Variants in PSEN1 observed in about 807,000 individuals in gnomAD.
PSEN1 encodes presenilin-1.
Under a neutral mutation model 53.5 loss-of-function variants are expected in PSEN1, and 15 were observed. That is an observed-to-expected ratio of 0.28 (90% CI 0.19 to 0.43). PSEN1 has a LOEUF of 0.43. PSEN1 is among the 20% of genes least tolerant of loss of function. PSEN1 has a pLI of 1.00. For missense variants in PSEN1, 387 were observed against 571.2 expected (o/e 0.68, Z 3.29); for synonymous variants, 208 against 209.8 (o/e 0.99, Z 0.08).
Position 73,220,789 on chromosome 14 carries a change from G to C in PSEN1, c.*1500G>C, listed in dbSNP as rs1465896588. ...GCAGTTACCATGGAGTTCAGGCTCT[G>C]GGCAGCTCAGTCAGGCAAAACACAC... On this transcript the variant is annotated 3_prime_UTR_variant, in exon 12 of 12. Transcript: ENST00000324501. 6.6e-6 allele frequency: 1 copy of C among 152,256 alleles called. No homozygotes were observed. Among genetic ancestry groups the C allele is most frequent in the Non-Finnish European group, 1.5e-5 (1 of 68,144 alleles). The allele number at this position is 152,256 out of a possible 1,614,324, so 9.4% of individuals were successfully genotyped here. A position where few individuals can be genotyped will look rare whatever the true frequency, so the allele number is the denominator to read the frequency against.
At chr14:73,185,202 G>A (rs1458420833) in intron 5 of PSEN1, among the ~76,000 whole-genome samples, 1 of 152,006 alleles carries the variant, frequency 6.6e-6, no homozygotes, top group Non-Finnish European at 1.5e-5. Context: ...CCCAGACGGG[G>A]TGGCGGCCGG....
intron 11 of PSEN1, 113 bp from the exon 12 acceptor site, chr14:73,219,020 CA>C: frequency 8.3e-7 from 1 of 1,201,680 alleles, no homozygotes; most frequent in Non-Finnish European, 1.2e-6. Flanking sequence ...AATTTAACCC[CA>C]AAAGGAAAAT....
At chr14:73,141,919 T>G (rs1398261950) in intron 1 of PSEN1, among the ~76,000 whole-genome samples, 1 of 151,804 alleles carries the variant, frequency 6.6e-6, no homozygotes, top group Non-Finnish European at 1.5e-5. Context: ...TACAAAAAAT[T>G]AGCCAGGCGT....
chr14:73,170,731 G>A (rs1897859870), intron 3 of PSEN1, 66 bp from the exon 4 acceptor site: 1 of 1,569,862 alleles, frequency 6.4e-7, no homozygotes, highest in Non-Finnish European at 8.7e-7. Flanking sequence ...TTAATCCCAG[G>A]TCTAACCGTT....
intron 7 of PSEN1, 117 bp downstream of exon 7, chr14:73,192,981 T>A: frequency 1.2e-6 from 1 of 819,292 alleles, no homozygotes; most frequent in Non-Finnish European, 2.1e-6. Flanking sequence ...CCATAACTCT[T>A]CAGTAAATCA....
At chr14:73,217,317 A>C in intron 11 of PSEN1, 73 bp downstream of exon 11, 1 of 1,574,234 alleles carries the variant, frequency 6.4e-7, no homozygotes, top group Non-Finnish European at 8.7e-7. Flanking sequence ...CCTTTAAGGC[A>C]GTTCTGTTTT....
At chr14:73,151,939 TCTC>T (rs1428551792) in intron 3 of PSEN1, among the ~76,000 whole-genome samples, 2 of 117,766 alleles carry the variant, frequency 1.7e-5, no homozygotes, top group Admixed American at 2.1e-4. Context: ...TGAGACGGAG[TCTC>T]GCTCTGTTGC....
chr14:73,152,450 A>G (rs2140518937), intron 3 of PSEN1, among the ~76,000 whole-genome samples: 1 of 151,462 alleles, frequency 6.6e-6, no homozygotes, highest in Admixed American at 6.6e-5. Flanking sequence ...GAAAAAAAAA[A>G]AAAAAAAGTC....
intron 9 of PSEN1, among the ~76,000 whole-genome samples, chr14:73,210,184 A>G (rs1039191217): frequency 3.9e-5 from 6 of 152,240 alleles, no homozygotes; most frequent in Non-Finnish European, 8.8e-5. Context: ...CTGTCAGAGC[A>G]TTTCAGGATA....
chr14:73,184,967 G>A (rs1898434884), intron 5 of PSEN1, among the ~76,000 whole-genome samples: 1 of 151,392 alleles, frequency 6.6e-6, no homozygotes, highest in South Asian at 2.1e-4. Flanking sequence ...CATCCCAGAC[G>A]GGGCGGCGGG....
chr14:73,150,615 A>G (rs1897190538), intron 3 of PSEN1, among the ~76,000 whole-genome samples: 1 of 151,484 alleles, frequency 6.6e-6, no homozygotes, highest in South Asian at 2.1e-4. Context: ...AAAATGCAAA[A>G]TTTAGCCAGG....
intron 6 of PSEN1, among the ~76,000 whole-genome samples, chr14:73,190,967 A>G (rs780832310): frequency 4.2e-4 from 64 of 152,228 alleles, no homozygotes; most frequent in Non-Finnish European, 8.7e-4. Flanking sequence ...TGGGAGAGGA[A>G]TCATCTTTTT....
At chr14:73,171,613 C>T (rs1879879986) in intron 4 of PSEN1, among the ~76,000 whole-genome samples, 1 of 152,166 alleles carries the variant, frequency 6.6e-6, no homozygotes, top group African/African-American at 2.4e-5. Flanking sequence ...TGTGTTCTTC[C>T]CCTACTGACT....
At chr14:73,161,241 C>T (rs1897527051) in intron 3 of PSEN1, among the ~76,000 whole-genome samples, 1 of 152,070 alleles carries the variant, frequency 6.6e-6, no homozygotes, top group African/African-American at 2.4e-5. Flanking sequence ...TCCCAAACTG[C>T]TGGGGTTGTA....
rs1275148094 is a variant in PSEN1 at position 73,220,690 on chromosome 14, C to T, written c.*1401C>T. ...TTCTCGTCAGCTCCACAAATGGGTG[C>T]TTTGTGGTCTCTGCCCGCGTTACCT... On this transcript the variant is annotated 3_prime_UTR_variant, in exon 12 of 12. Coordinates refer to ENST00000324501, the MANE Select transcript of PSEN1 (RefSeq NM_000021.4). 6.6e-6 allele frequency: 1 copy of T among 152,186 alleles called. No individual in the cohort carries two copies. Among genetic ancestry groups the T allele is most frequent in the African/African-American group, 2.4e-5 (1 of 41,420 alleles). 9.4% of individuals were successfully genotyped at this position (152,186 alleles called of 1,614,324 possible). A position where few individuals can be genotyped will look rare whatever the true frequency, so the allele number is the denominator to read the frequency against.
chr14:73,211,693 C>G, intron 9 of PSEN1, 76 bp from the exon 10 acceptor site: 2 of 1,505,112 alleles, frequency 1.3e-6, no homozygotes, highest in Non-Finnish European at 1.8e-6. Flanking sequence ...CAGCTAGTTA[C>G]TGTTTCCATG....
Position 73,219,291 on chromosome 14 carries a change from A to G in PSEN1, c.*2A>G, listed in dbSNP as rs1182032741. ...GCATTCCATCAATTTTATATCTAGC[A>G]TATTTGCGGTTAGAATCCCATGGAT... is the stretch of plus-strand genomic sequence containing the variant. On this transcript the variant is annotated 3_prime_UTR_variant, in exon 12 of 12. Coordinates refer to ENST00000324501, the MANE Select transcript of PSEN1 (RefSeq NM_000021.4). 1.2e-6 allele frequency: 2 copies of G among 1,612,422 alleles called. No individual in the cohort carries two copies. The highest frequency in any genetic ancestry group is 1.7e-6 in the Non-Finnish European group (2 of 1,178,662).
At chr14:73,187,697 G>C (rs1184301282) in intron 6 of PSEN1, among the ~76,000 whole-genome samples, 1 of 152,082 alleles carries the variant, frequency 6.6e-6, no homozygotes, top group East Asian at 1.9e-4. Flanking sequence ...ATAGTACCAG[G>C]CCCCAGTGGA....
chr14:73,181,552 T>G (rs1260961354), intron 5 of PSEN1, among the ~76,000 whole-genome samples: 1 of 152,144 alleles, frequency 6.6e-6, no homozygotes, highest in Non-Finnish European at 1.5e-5. Context: ...TGAGCCCAGG[T>G]TTTCCAGTCT....
Sources: gnomAD v4.1 joint callset for allele counts (sites outside exome capture counted in the v4.1 genomes callset) on GRCh38, gnomAD v4.1.1 for gene constraint, MANE v1.5 for transcripts, NCBI Gene and HGNC (gene_info 2026-07-23, HGNC 2026-07-21) for gene names.